The following NTM variants were observed in gnomAD, a reference collection of about 807,000 sequenced individuals.
NTM encodes the protein neurotrimin.
In NTM, 13 loss-of-function variants were observed where a neutral mutation model predicts 42.1. That is an observed-to-expected ratio of 0.31 (90% confidence interval 0.20 to 0.49). The LOEUF is 0.49. NTM is among the 20% of genes least tolerant of loss of function. The pLI is 0.99. For synonymous variants in NTM, 187 were observed against 179.2 expected (o/e 1.04, Z -0.35); for missense variants, 373 against 452.8 (o/e 0.82, Z 1.60).
chr11:131,401,817 T>C (rs1469901666), intron 1 of NTM, among the ~76,000 whole-genome samples: 4 of 40,248 alleles, frequency 9.9e-5, no homozygotes, highest in Admixed American at 4.3e-4. Context: ...TATATATATA[T>C]ATATATATAT....
intron 1 of NTM, among the ~76,000 whole-genome samples, chr11:131,477,661 A>T (rs536250155): frequency 2.0e-5 from 3 of 152,070 alleles, no homozygotes; most frequent in South Asian, 2.1e-4. Flanking sequence ...CTTTGACTTC[A>T]TAAAACCATT....
intron 6 of NTM, 153 bp from the exon 7 acceptor site, chr11:132,314,399 T>C (rs1016390977): frequency 4.9e-5 from 18 of 369,202 alleles, no homozygotes; most frequent in Non-Finnish European, 6.8e-5. Context: ...GAACTACTAC[T>C]ACATTATGGT....
intron 1 of NTM, among the ~76,000 whole-genome samples, chr11:131,694,474 A>G (rs2075182193): frequency 6.6e-6 from 1 of 152,236 alleles, no homozygotes; most frequent in Non-Finnish European, 1.5e-5. Context: ...AGCAGGGCTT[A>G]GGTCTGCACC....
At position 132,106,754 on chromosome 11, in the gene NTM, C is replaced by T. The variant is rs1480291589; in HGVS notation, c.168-39528C>T. Among the ~76,000 whole-genome samples, 5 of 152,334 alleles carry T rather than the reference C, an allele frequency of 3.3e-5. 1 individual carries two copies. The highest frequency in any genetic ancestry group is 1.2e-4 in the African/African-American group (5 of 41,572). On this transcript the variant is annotated intron_variant, in intron 2 of 8. Transcript: ENST00000683400. ...GGTGATCGTGATGATACATCTTAGA[C>T]TCACACAGCATCCCTTCCCAGGTGT...
At chr11:132,217,274 A>G (rs190859892) in intron 4 of NTM, among the ~76,000 whole-genome samples, 1 of 152,330 alleles carries the variant, frequency 6.6e-6, no homozygotes, top group Non-Finnish European at 1.5e-5. Context: ...AAAAAGGAAA[A>G]GAAAGAAATC....
chr11:131,487,593 A>T (rs77898400), intron 1 of NTM, among the ~76,000 whole-genome samples: 6,671 of 152,320 alleles, frequency 0.044, 176 homozygotes, highest in Non-Finnish European at 0.059. Context: ...AATAGAAAAC[A>T]GAATTTTATT....
intron 1 of NTM, among the ~76,000 whole-genome samples, chr11:131,691,584 C>T (rs1018176905): frequency 5.3e-5 from 8 of 150,476 alleles, no homozygotes; most frequent in African/African-American, 2.0e-4. Flanking sequence ...CCTTCCATGT[C>T]CTTCACTGTT....
chr11:131,430,863 TGGCAGCGTTCTGCG>T (rs1565493110), intron 1 of NTM, among the ~76,000 whole-genome samples: 1 of 152,244 alleles, frequency 6.6e-6, no homozygotes, highest in Non-Finnish European at 1.5e-5. Flanking sequence ...TGCTCTCTCC[TGGCAGCGTTCTGCG>T]GGCTGCCGCC....
At chr11:132,045,690 C>T (rs1027277099) in intron 2 of NTM, among the ~76,000 whole-genome samples, 1 of 152,144 alleles carries the variant, frequency 6.6e-6, no homozygotes, top group African/African-American at 2.4e-5. Flanking sequence ...CCTCAAAGCA[C>T]GTTTCTCAGC....
intron 1 of NTM, among the ~76,000 whole-genome samples, chr11:131,437,123 AT>A (rs1377338176): frequency 6.6e-6 from 1 of 152,112 alleles, no homozygotes; most frequent in African/African-American, 2.4e-5. Context: ...CCGAGTTCTA[AT>A]TTGATTGCAC....
At chr11:131,808,970 C>T (rs116102760) in intron 1 of NTM, among the ~76,000 whole-genome samples, 349 of 152,298 alleles carry the variant, frequency 2.3e-3, no homozygotes, top group African/African-American at 8.0e-3. Flanking sequence ...TCACACCTAC[C>T]TAGCAATGCT....
At chr11:132,004,604 TTTCTCTC>T (rs371237460) in intron 2 of NTM, among the ~76,000 whole-genome samples, 1 of 83,168 alleles carries the variant, frequency 1.2e-5, no homozygotes, top group African/African-American at 4.2e-5. Context: ...TCTTTCTCTC[TTTCTCTC>T]TCTCTCTCTC....
chr11:132,081,771 A>G (rs2059093103), intron 2 of NTM, among the ~76,000 whole-genome samples: 1 of 151,600 alleles, frequency 6.6e-6, no homozygotes, highest in Non-Finnish European at 1.5e-5. Context: ...TAAATCTACT[A>G]ACACTTGTAT....
chr11:131,876,513 C>T lies in NTM; in HGVS notation c.83-35051C>T, dbSNP rs543322400. Among the ~76,000 whole-genome samples the T allele has an allele frequency of 2.0e-5, 3 of 152,286 alleles. No individual in the cohort carries two copies. The East Asian group carries it at 5.8e-4, about 29-fold the overall frequency. On this transcript the variant is annotated intron_variant, in intron 1 of 8. Transcript: ENST00000683400. ...AAGACCAATTAATTTTAATCTTAGC[C>T]CAAGCAAAATATAATTAGACAAATC...
intron 1 of NTM, among the ~76,000 whole-genome samples, chr11:131,708,497 T>G (rs1452137872): frequency 6.6e-6 from 1 of 152,068 alleles, no homozygotes; most frequent in African/African-American, 2.4e-5. Flanking sequence ...TATATGAAAA[T>G]ACACCTGTGT....
chr11:132,117,409 G>A (rs1003155760), intron 2 of NTM, among the ~76,000 whole-genome samples: 3 of 152,240 alleles, frequency 2.0e-5, no homozygotes, highest in Non-Finnish European at 4.4e-5. Flanking sequence ...TCCTGGCCAT[G>A]TGATGGACAA....
At chr11:132,096,370 C>T (rs1106363) in intron 2 of NTM, among the ~76,000 whole-genome samples, 52,225 of 151,966 alleles carry the variant, frequency 0.34, 9,302 homozygotes, top group Middle Eastern at 0.38. Flanking sequence ...TAATGGTTCC[C>T]GCTCACAATG....
chr11:132,335,010 C>G, intron 8 of NTM, 36 bp from the exon 9 acceptor site: 1 of 1,601,376 alleles, frequency 6.2e-7, no homozygotes, highest in Non-Finnish European at 8.5e-7. Context: ...TCCATTTTCT[C>G]CCAGACCACT....
chr11:132,096,605 C>T (rs964956722), intron 2 of NTM, among the ~76,000 whole-genome samples: 1 of 152,184 alleles, frequency 6.6e-6, no homozygotes, highest in Non-Finnish European at 1.5e-5. Flanking sequence ...AGGCACAATT[C>T]TGCAGTCTCA....
Sources: gnomAD v4.1 joint callset for allele counts (sites outside exome capture counted in the v4.1 genomes callset) on GRCh38, gnomAD v4.1.1 for gene constraint, MANE v1.5 for transcripts, NCBI Gene and HGNC (gene_info 2026-07-23, HGNC 2026-07-21) for gene names.